ATXN1: variants seen among roughly 807,000 people sequenced by gnomAD.
The protein encoded by ATXN1 is ataxin-1.
ATXN1 carries 8 observed loss-of-function variants against 56.4 expected under a neutral mutation model. That is an observed-to-expected ratio of 0.14 (90% CI 0.08 to 0.26). The LOEUF is 0.26. Ranked by LOEUF, ATXN1 falls within the 10% of genes least tolerant of loss-of-function variation. The pLI is 1.00. For synonymous variants in ATXN1, 514 were observed against 494.6 expected (o/e 1.04, Z -0.52); for missense variants, 987 against 1,106.5 (o/e 0.89, Z 1.53).
intron 6 of ATXN1, among the ~76,000 whole-genome samples, chr6:16,459,832 C>G (rs564600829): frequency 6.6e-6 from 1 of 152,260 alleles, no homozygotes; most frequent in East Asian, 1.9e-4. Flanking sequence ...CTTTTGGCTA[C>G]CAGTTCGGAA....
chr6:16,740,519 T>C (rs598908), intron 2 of ATXN1, among the ~76,000 whole-genome samples: 97,592 of 151,942 alleles, frequency 0.64, 31,899 homozygotes, highest in East Asian at 0.85. Context: ...ATTCCATATA[T>C]GAGATCAATT....
intron 4 of ATXN1, among the ~76,000 whole-genome samples, chr6:16,562,250 G>C (rs925263746): frequency 6.6e-6 from 1 of 151,600 alleles, no homozygotes; most frequent in Non-Finnish European, 1.5e-5. Flanking sequence ...GCCTGCACCT[G>C]TAGTCCCAGC....
intron 2 of ATXN1, among the ~76,000 whole-genome samples, chr6:16,718,917 G>A (rs1759692878): frequency 2.6e-5 from 4 of 152,340 alleles, no homozygotes; most frequent in African/African-American, 4.8e-5. Context: ...TATGTAGCAT[G>A]ATAAAACTGT....
At chr6:16,512,368 C>G (rs1474006768) in intron 5 of ATXN1, among the ~76,000 whole-genome samples, 1 of 152,172 alleles carries the variant, frequency 6.6e-6, no homozygotes, top group South Asian at 2.1e-4. Context: ...ACAGGAACAT[C>G]TCAAATCACC....
intron 3 of ATXN1, among the ~76,000 whole-genome samples, chr6:16,634,854 A>G (rs1284064781): frequency 6.6e-6 from 1 of 152,144 alleles, no homozygotes; most frequent in Non-Finnish European, 1.5e-5. Context: ...GTACTTGGAG[A>G]CACAGCACTC....
At chr6:16,699,283 C>G (rs1321775887) in intron 2 of ATXN1, among the ~76,000 whole-genome samples, 1 of 152,342 alleles carries the variant, frequency 6.6e-6, no homozygotes, top group East Asian at 1.9e-4. Context: ...AAATCTCAAG[C>G]TCGTCATAGA....
chr6:16,541,590 C>G (rs1041874560), intron 4 of ATXN1, among the ~76,000 whole-genome samples: 85 of 152,170 alleles, frequency 5.6e-4, no homozygotes, highest in African/African-American at 2.0e-3. Flanking sequence ...TTTGAGAAAT[C>G]TGGGATTCTT....
intron 2 of ATXN1, among the ~76,000 whole-genome samples, chr6:16,686,981 C>G (rs1758932283): frequency 6.6e-6 from 1 of 152,104 alleles, no homozygotes; most frequent in South Asian, 2.1e-4. Context: ...ACACTATAAG[C>G]CTTGGATGGA....
chr6:16,358,818 G>A (rs866462794), intron 6 of ATXN1, among the ~76,000 whole-genome samples: 4 of 152,366 alleles, frequency 2.6e-5, no homozygotes, highest in Middle Eastern at 3.4e-3. Context: ...GGGGGAGCCT[G>A]GAACAGGCAG....
intron 4 of ATXN1, among the ~76,000 whole-genome samples, chr6:16,537,850 A>C (rs925713250): frequency 6.6e-6 from 1 of 151,442 alleles, no homozygotes; most frequent in Admixed American, 6.6e-5. Context: ...CACCTGTAAT[A>C]CCAGCACTTT....
chr6:16,624,387 G>C (rs1441511726), intron 3 of ATXN1, among the ~76,000 whole-genome samples: 1 of 151,772 alleles, frequency 6.6e-6, no homozygotes, highest in East Asian at 1.9e-4. Flanking sequence ...TCTGGAGATG[G>C]ATGGTGGTGA....
At chr6:16,729,524 T>C (rs971643945) in intron 2 of ATXN1, among the ~76,000 whole-genome samples, 2 of 152,226 alleles carry the variant, frequency 1.3e-5, no homozygotes, top group Non-Finnish European at 2.9e-5. Context: ...ATTTTAGGCA[T>C]TGCAACTTGT....
intron 3 of ATXN1, among the ~76,000 whole-genome samples, chr6:16,647,728 T>C: frequency 6.6e-6 from 1 of 152,224 alleles, no homozygotes; most frequent in Non-Finnish European, 1.5e-5. Flanking sequence ...TATATGTATA[T>C]CAAAGCATCG....
Position 16,541,150 on chromosome 6 carries a change from G to A in ATXN1, c.-360-18462C>T, listed in dbSNP as rs370417809. ...CCCGCTGCCCCGGTCAATAGAGGCTGAGGGCAGCCCACAGCCTCAAAGTTT... is the reference window on the plus strand; with the variant it reads ...CCCGCTGCCCCGGTCAATAGAGGCTAAGGGCAGCCCACAGCCTCAAAGTTT... On this transcript the variant is annotated intron_variant, in intron 4 of 7. Coordinates refer to ENST00000436367, the MANE Select transcript of ATXN1 (RefSeq NM_001128164.2). 7.0e-4 allele frequency among the ~76,000 whole-genome samples: 106 copies of A among 152,340 alleles called. 2 individuals carry two copies. The East Asian group carries it at 0.016, about 23-fold the overall frequency.
intron 6 of ATXN1, among the ~76,000 whole-genome samples, chr6:16,415,800 T>C (rs1220728003): frequency 6.6e-6 from 1 of 152,194 alleles, no homozygotes; most frequent in Non-Finnish European, 1.5e-5. Context: ...CAAAAACAAA[T>C]GCTCAAACCT....
chr6:16,629,843 G>C (rs2113809162), intron 3 of ATXN1, among the ~76,000 whole-genome samples: 1 of 151,114 alleles, frequency 6.6e-6, no homozygotes, highest in East Asian at 2.0e-4. Context: ...CTTGAACCCA[G>C]GAGGCAGAGG....
At chr6:16,553,431 C>A (rs1761957649) in intron 4 of ATXN1, among the ~76,000 whole-genome samples, 1 of 152,152 alleles carries the variant, frequency 6.6e-6, no homozygotes, top group Non-Finnish European at 1.5e-5. Context: ...ATGCTTCCAC[C>A]ATACTTTGTA....
intron 3 of ATXN1, among the ~76,000 whole-genome samples, chr6:16,600,856 G>A (rs1187408164): frequency 1.3e-5 from 2 of 152,264 alleles, no homozygotes; most frequent in East Asian, 3.9e-4. Flanking sequence ...CTGGGGTAAG[G>A]TATATGTCTG....
intron 5 of ATXN1, among the ~76,000 whole-genome samples, chr6:16,496,329 T>C (rs1259415986): frequency 6.6e-6 from 1 of 152,248 alleles, no homozygotes; most frequent in Non-Finnish European, 1.5e-5. Context: ...AGGGATTACC[T>C]GTTGAAACAC....
Sources: gnomAD v4.1 joint callset for allele counts (sites outside exome capture counted in the v4.1 genomes callset) on GRCh38, gnomAD v4.1.1 for gene constraint, MANE v1.5 for transcripts, NCBI Gene and HGNC (gene_info 2026-07-23, HGNC 2026-07-21) for gene names.